Variants in RNF150 observed in about 807,000 individuals in gnomAD.
RNF150 encodes the protein ring finger protein 150.
A neutral mutation model predicts 39.3 loss-of-function variants in RNF150; 24 were observed. The observed-to-expected ratio is 0.61, with a 90% CI of 0.44 to 0.86. RNF150 has a LOEUF of 0.86. RNF150 is among the 40% of genes least tolerant of loss of function. The pLI is 0.00. For missense variants in RNF150, 502 were observed against 587.8 expected, an observed-to-expected ratio of 0.85 and a Z score of 1.51; for synonymous variants, 255 against 227.3, an observed-to-expected ratio of 1.12 and a Z score of -1.10.
chr4:141,085,436 C>A lies in RNF150; in HGVS notation c.484+46889G>T, dbSNP rs569791850. Among the ~76,000 whole-genome samples the A allele has an allele frequency of 3.9e-5, 6 of 152,256 alleles. No individual in the cohort carries two copies. The South Asian group carries it at 1.2e-3, about 32-fold the overall frequency. On this transcript the variant is annotated intron_variant, in intron 1 of 6. Transcript: ENST00000515673. ...ATTCCAAACTAGCCAGGTGGACAGA[C>A]AATACAGAGAGGCCACATAGAGGTG...
At chr4:140,916,827 G>C (rs11100682) in intron 5 of RNF150, among the ~76,000 whole-genome samples, 1 of 151,974 alleles carries the variant, frequency 6.6e-6, no homozygotes. Context: ...AAGCCCATCA[G>C]ACTAACAGCT....
intron 1 of RNF150, among the ~76,000 whole-genome samples, chr4:141,202,509 C>A (rs879414761): frequency 1.3e-5 from 2 of 151,838 alleles, no homozygotes; most frequent in South Asian, 2.1e-4. Context: ...TAAAGTAAGA[C>A]CTTTAAAAAA....
chr4:141,091,302 T>C (rs934476380), intron 1 of RNF150, among the ~76,000 whole-genome samples: 1 of 152,204 alleles, frequency 6.6e-6, no homozygotes, highest in Admixed American at 6.5e-5. Flanking sequence ...ACACATTTTA[T>C]GCTAAACAGG....
chr4:141,126,493 T>A (rs947406478), intron 1 of RNF150, among the ~76,000 whole-genome samples: 3 of 152,214 alleles, frequency 2.0e-5, no homozygotes, highest in African/African-American at 7.2e-5. Flanking sequence ...ATCTCCTCAC[T>A]ACCCCAAGTT....
At chr4:140,882,779 C>T (rs904412367) in intron 6 of RNF150, among the ~76,000 whole-genome samples, 10 of 151,996 alleles carry the variant, frequency 6.6e-5, no homozygotes, top group African/African-American at 2.4e-4. Context: ...CTTTTTTCAT[C>T]TTTTCCCTTT....
chr4:141,177,127 T>C (rs532155099), intron 1 of RNF150, among the ~76,000 whole-genome samples: 3 of 151,108 alleles, frequency 2.0e-5, no homozygotes, highest in South Asian at 2.1e-4. Flanking sequence ...AGCTGCTCAG[T>C]AGGCTGAGGT....
chr4:141,096,106 C>T (rs1292896834), intron 1 of RNF150, among the ~76,000 whole-genome samples: 1 of 149,814 alleles, frequency 6.7e-6, no homozygotes, highest in Non-Finnish European at 1.5e-5. Flanking sequence ...TGATATGCTG[C>T]TGTTTTTGTT....
intron 1 of RNF150, among the ~76,000 whole-genome samples, chr4:141,142,353 AC>A (rs1221184195): frequency 4.6e-5 from 7 of 152,134 alleles, no homozygotes; most frequent in Non-Finnish European, 7.4e-5. Flanking sequence ...CTTCTCAGGA[AC>A]TTAGTCCTTA....
chr4:140,860,249 T>A lies in RNF150; in HGVS notation c.*8012A>T, dbSNP rs985348472. On this transcript the variant is annotated 3_prime_UTR_variant, in exon 7 of 7. Coordinates refer to ENST00000515673, the MANE Select transcript of RNF150 (RefSeq NM_020724.2). ...AGGAAAGAAATTTATACAGAAAAAA[T>A]TTAAAAAACTACACTGCCTTAACTA... The A allele has an allele frequency of 6.6e-6, 1 of 151,510 alleles. No individual in the cohort carries two copies. Among genetic ancestry groups the A allele is most frequent in the Non-Finnish European group, 1.5e-5 (1 of 67,956 alleles). 9.4% of individuals were successfully genotyped at this position (151,510 alleles called of 1,614,324 possible). A position where few individuals can be genotyped will look rare whatever the true frequency, so the allele number is the denominator to read the frequency against.
chr4:141,122,304 A>AT (rs1560749470), intron 1 of RNF150, among the ~76,000 whole-genome samples: 1 of 152,216 alleles, frequency 6.6e-6, no homozygotes, highest in Non-Finnish European at 1.5e-5. Context: ...ATTTCTCCTG[A>AT]TTCGCCACCT....
chr4:140,894,671 C>T (rs1729873983), intron 6 of RNF150, among the ~76,000 whole-genome samples: 1 of 152,154 alleles, frequency 6.6e-6, no homozygotes, highest in Non-Finnish European at 1.5e-5. Context: ...ACATTTTGAA[C>T]TTGTATTCTT....
At chr4:141,037,126 G>C (rs1402333556) in intron 1 of RNF150, among the ~76,000 whole-genome samples, 1 of 152,058 alleles carries the variant, frequency 6.6e-6, no homozygotes, top group African/African-American at 2.4e-5. Flanking sequence ...GAAAATTATA[G>C]ATGGCTTATT....
At chr4:140,951,748 G>A (rs991519512) in intron 2 of RNF150, among the ~76,000 whole-genome samples, 2 of 152,010 alleles carry the variant, frequency 1.3e-5, no homozygotes, top group African/African-American at 4.8e-5. Flanking sequence ...TATTGAGAAA[G>A]GGCTACTAGT....
At chr4:140,950,814 T>C (rs1274840605) in intron 2 of RNF150, among the ~76,000 whole-genome samples, 3 of 152,246 alleles carry the variant, frequency 2.0e-5, no homozygotes, top group Non-Finnish European at 4.4e-5. Flanking sequence ...TTCTCTTTGA[T>C]AGTTTGTCCT....
chr4:140,951,982 T>C (rs1732558656), intron 2 of RNF150, among the ~76,000 whole-genome samples: 1 of 152,140 alleles, frequency 6.6e-6, no homozygotes, highest in Non-Finnish European at 1.5e-5. Flanking sequence ...GTTCATACAA[T>C]GGTCATAGAT....
At chr4:140,890,201 G>A (rs970406268) in intron 6 of RNF150, among the ~76,000 whole-genome samples, 5 of 152,040 alleles carry the variant, frequency 3.3e-5, no homozygotes, top group Admixed American at 6.6e-5. Flanking sequence ...TTTTTTATAC[G>A]AAAGAAAGCT....
intron 1 of RNF150, among the ~76,000 whole-genome samples, chr4:140,995,416 T>C (rs1332108683): frequency 6.6e-6 from 1 of 152,152 alleles, no homozygotes; most frequent in Non-Finnish European, 1.5e-5. Flanking sequence ...TTTAGTTATA[T>C]ACAAACTAAG....
At chr4:140,888,540 A>G (rs1292455762) in intron 6 of RNF150, among the ~76,000 whole-genome samples, 2 of 152,258 alleles carry the variant, frequency 1.3e-5, no homozygotes. Flanking sequence ...CCTTGCAACA[A>G]GAATTCCTTG....
chr4:141,185,959 C>T (rs367693793), intron 1 of RNF150, among the ~76,000 whole-genome samples: 5 of 152,156 alleles, frequency 3.3e-5, no homozygotes. Context: ...ATTTTTGCAT[C>T]GATGTTCATC....
Sources: gnomAD v4.1 joint callset for allele counts (sites outside exome capture counted in the v4.1 genomes callset) on GRCh38, gnomAD v4.1.1 for gene constraint, MANE v1.5 for transcripts, NCBI Gene and HGNC (gene_info 2026-07-23, HGNC 2026-07-21) for gene names.